The following NPAS2 variants were observed in gnomAD, a reference collection of about 807,000 sequenced individuals.
The protein encoded by NPAS2 is neuronal PAS domain protein 2, also known as neuronal PAS domain-containing protein 2.
NPAS2 carries 23 observed loss-of-function variants against 107.5 expected under a neutral mutation model. That is an observed-to-expected ratio of 0.21 (90% confidence interval 0.15 to 0.30). The LOEUF (loss-of-function observed/expected upper bound fraction) is 0.30, where lower values mean the gene tolerates loss of function less well. Ranked by LOEUF, NPAS2 falls within the 10% of genes least tolerant of loss-of-function variation. The pLI, the probability that NPAS2 is intolerant of heterozygous loss-of-function variation, is 1.00. For synonymous variants in NPAS2, 403 were observed against 417.5 expected, an observed-to-expected ratio of 0.97 and a Z score of 0.42; for missense variants, 756 against 1,043.3, an observed-to-expected ratio of 0.72 and a Z score of 3.79.
At chr2:100,884,714 A>G (rs1680585118) in intron 1 of NPAS2, among the ~76,000 whole-genome samples, 1 of 152,140 alleles carries the variant, frequency 6.6e-6, no homozygotes, top group South Asian at 2.1e-4. Flanking sequence ...AGACATGAAC[A>G]TAGTTTCTCC....
At chr2:100,953,852 T>C (rs987730128) in intron 7 of NPAS2, among the ~76,000 whole-genome samples, 2 of 152,212 alleles carry the variant, frequency 1.3e-5, no homozygotes, top group Admixed American at 1.3e-4. Context: ...TGCCTGTGCA[T>C]GTCAGATGCC....
chr2:100,937,932 G>T, intron 5 of NPAS2, 90 bp downstream of exon 5: 1 of 1,043,186 alleles, frequency 9.6e-7, no homozygotes. Flanking sequence ...TGGTGCAGGT[G>T]TCAGGGGGCT....
At chr2:100,979,502 A>ATTTTT (rs757799235) in intron 15 of NPAS2, among the ~76,000 whole-genome samples, 3 of 43,318 alleles carry the variant, frequency 6.9e-5, no homozygotes, top group African/African-American at 9.9e-5. Flanking sequence ...ATATATATAT[A>ATTTTT]TTTTTTTTTT....
At chr2:100,841,221 G>A (rs1677374379) in intron 1 of NPAS2, among the ~76,000 whole-genome samples, 2 of 152,142 alleles carry the variant, frequency 1.3e-5, no homozygotes, top group Admixed American at 1.3e-4. Context: ...GATCACCTGA[G>A]GTCAGGAGTT....
chr2:100,940,190 A>G (rs1396889459), intron 5 of NPAS2, among the ~76,000 whole-genome samples: 2 of 152,176 alleles, frequency 1.3e-5, no homozygotes, highest in Non-Finnish European at 2.9e-5. Flanking sequence ...TCAGACCTCT[A>G]TGACTTCCAC....
At chr2:100,879,068 G>A (rs571028491) in intron 1 of NPAS2, among the ~76,000 whole-genome samples, 16 of 150,394 alleles carry the variant, frequency 1.1e-4, no homozygotes, top group African/African-American at 3.7e-4. Context: ...AGCGGAGATC[G>A]CACCACTGTG....
chr2:100,904,639 A>G, intron 1 of NPAS2, 94 bp from the exon 2 acceptor site: 2 of 944,292 alleles, frequency 2.1e-6, no homozygotes. Context: ...CTGGGCTAAG[A>G]CCAAAATGAC....
chr2:100,886,233 C>T (rs913401649), intron 1 of NPAS2, among the ~76,000 whole-genome samples: 1 of 152,164 alleles, frequency 6.6e-6, no homozygotes, highest in African/African-American at 2.4e-5. Flanking sequence ...AAGCCACTCG[C>T]ACATTTAAAG....
chr2:100,956,057 A>G (rs770270969), intron 7 of NPAS2, among the ~76,000 whole-genome samples: 3 of 152,070 alleles, frequency 2.0e-5, no homozygotes, highest in Non-Finnish European at 4.4e-5. Flanking sequence ...GGCGCATGCT[A>G]TAACAACCTG....
chr2:100,980,057 A>G (rs1677339341), intron 15 of NPAS2, among the ~76,000 whole-genome samples: 1 of 152,168 alleles, frequency 6.6e-6, no homozygotes, highest in African/African-American at 2.4e-5. Flanking sequence ...TCTTCATACT[A>G]TGGTTCTAAA....
chr2:100,913,403 G>A (rs1682673902), intron 2 of NPAS2, among the ~76,000 whole-genome samples: 1 of 152,094 alleles, frequency 6.6e-6, no homozygotes, highest in South Asian at 2.1e-4. Context: ...CCCCCATCAG[G>A]ATGCCCTATT....
chr2:100,888,394 A>C (rs1237310989), intron 1 of NPAS2, among the ~76,000 whole-genome samples: 1 of 152,044 alleles, frequency 6.6e-6, no homozygotes, highest in Non-Finnish European at 1.5e-5. Context: ...GCGGAGGAAG[A>C]TGCGCTAGTA....
chr2:100,965,950 A>G lies in NPAS2; in HGVS notation c.907+184A>G, dbSNP rs995865103. Among the ~76,000 whole-genome samples the G allele has an allele frequency of 6.6e-6, 1 of 152,100 alleles. No homozygotes were observed. The highest frequency in any genetic ancestry group is 2.4e-5 in the African/African-American group (1 of 41,430). ...AGGCCCCTTATCCGCGTCTACCCCC[A>G]TGTCACTGGAATTCACTTGGCCCCA... On this transcript the variant is annotated intron_variant, in intron 10 of 20. Transcript: ENST00000335681. The surrounding 1 kb of genome is among the most constrained non-coding windows in gnomAD (Gnocchi z 4.3).
At chr2:100,878,319 C>G (rs1680115325) in intron 1 of NPAS2, 1 of 985,442 alleles carries the variant, frequency 1.0e-6, no homozygotes, top group Non-Finnish European at 1.2e-6. Context: ...TCTGCCTAAG[C>G]AAGGGCTCTG....
chr2:100,832,028 G>T (rs1676772180), intron 1 of NPAS2, among the ~76,000 whole-genome samples: 2 of 152,222 alleles, frequency 1.3e-5, no homozygotes, highest in South Asian at 4.2e-4. Context: ...GATGCTTCCT[G>T]GCAAGGCTCC....
intron 1 of NPAS2, among the ~76,000 whole-genome samples, chr2:100,899,674 C>A (rs766948230): frequency 2.0e-5 from 3 of 152,090 alleles, no homozygotes; most frequent in African/African-American, 7.2e-5. Context: ...CTTAAAAATG[C>A]GGTTTATTTT....
intron 1 of NPAS2, among the ~76,000 whole-genome samples, chr2:100,886,231 C>T (rs559563420): frequency 2.0e-5 from 3 of 152,284 alleles, no homozygotes; most frequent in South Asian, 2.1e-4. Flanking sequence ...CCAAGCCACT[C>T]GCACATTTAA....
intron 3 of NPAS2, among the ~76,000 whole-genome samples, chr2:100,926,034 A>T (rs1272774225): frequency 6.6e-6 from 1 of 152,200 alleles, no homozygotes; most frequent in Non-Finnish European, 1.5e-5. Context: ...AAGTAGAATC[A>T]TACGGTATGT....
intron 20 of NPAS2, 131 bp from the exon 21 acceptor site, chr2:100,995,269 C>A: frequency 9.2e-6 from 7 of 760,622 alleles, no homozygotes; most frequent in Non-Finnish European, 1.2e-5. Flanking sequence ...CCACCTCTCC[C>A]CACATGACCC....
Sources: allele counts gnomAD v4.1 joint callset (sites outside exome capture counted in the v4.1 genomes callset), GRCh38; gene constraint gnomAD v4.1.1; non-coding constraint Gnocchi (gnomAD v3.1); transcripts MANE v1.5; gene names NCBI Gene and HGNC (gene_info 2026-07-23, HGNC 2026-07-21).